The following NIN variants were observed in gnomAD, a reference collection of about 807,000 sequenced individuals.
The protein encoded by NIN is glycogen synthase kinase 3 beta-interacting protein.
Under a neutral mutation model 257.6 loss-of-function variants are expected in NIN, and 137 were observed. That is an observed-to-expected ratio of 0.53 (90% CI 0.46 to 0.61). NIN has a LOEUF of 0.61. NIN is among the 20% of genes least tolerant of loss of function. NIN has a pLI of 0.00. For synonymous variants in NIN, 918 were observed against 919.8 expected, an observed-to-expected ratio of 1.00 and a Z score of 0.04; for missense variants, 2,439 against 2,501.2, an observed-to-expected ratio of 0.98 and a Z score of 0.53.
rs868720022 is a variant in NIN at position 50,737,650 on chromosome 14, T to G, written c.5775+490A>C. 1.7e-4 allele frequency among the ~76,000 whole-genome samples: 25 copies of G among 146,056 alleles called. No individual in the cohort carries two copies. In the South Asian group the frequency reaches 2.7e-3, roughly 16 times the overall value. On this transcript the variant is annotated intron_variant, in intron 27 of 30. Transcript: ENST00000530997. ...AAATTGTGGTTTTTTGTTGTTGTTT[T>G]TTTTTTTTTTTTTTAAACAGAGTCT...
intron 8 of NIN, 148 bp downstream of exon 8, chr14:50,772,801 T>C: frequency 1.4e-6 from 1 of 704,626 alleles, no homozygotes; most frequent in Non-Finnish European, 2.3e-6. Flanking sequence ...CAACCTTTCC[T>C]TCCTAATGGT....
chr14:50,725,513 T>G (rs2040374431), intron 30 of NIN, among the ~76,000 whole-genome samples: 2 of 152,088 alleles, frequency 1.3e-5, no homozygotes, highest in South Asian at 4.1e-4. Context: ...AAAGCTAAAG[T>G]TCCATTTATT....
In NIN at chr14:50,757,608, C is replaced by A; in HGVS notation, c.3422G>T (p.Arg1141Leu). 1.9e-6 allele frequency: 3 copies of A among 1,614,100 alleles called. No individual in the cohort carries two copies. Among genetic ancestry groups the A allele is most frequent in the Non-Finnish European group, 2.5e-6 (3 of 1,180,034 alleles). ...ATCTTCCAGGTCACTTAGGACATGC[C>A]GCCTGGTCACACCTTCTACTTGCTT... ...RTKQVEGVTR[R>L]HVLSDLEDDE... The change falls in exon 18 of 31, where the codon CGG becomes CTG. Residue 1141 changes from arginine (R) to leucine (L), a missense_variant. Physicochemically the swap from Arg to Leu is moderately radical, Grantham distance 102. This residue lies in a region of NIN where 2,043 missense variants were observed against 2,050.2 expected (regional missense o/e 1.00). Transcript: ENST00000530997.
At chr14:50,830,651 T>C (rs2045663216) in intron 1 of NIN, 134 bp from the exon 2 acceptor site, 2 of 166,312 alleles carry the variant, frequency 1.2e-5, no homozygotes, top group African/African-American at 2.4e-5. Context: ...TTTCCATATG[T>C]AAGGGGCCAG....
chr14:50,739,791 A>T (rs907997473), intron 25 of NIN, among the ~76,000 whole-genome samples: 13 of 152,260 alleles, frequency 8.5e-5, no homozygotes. Flanking sequence ...AAAGGACCCA[A>T]ATGCATTGAG....
chr14:50,771,085 A>G (rs1256509295), intron 10 of NIN, 93 bp from the exon 11 acceptor site: 1 of 1,441,674 alleles, frequency 6.9e-7, no homozygotes, highest in South Asian at 1.4e-5. Flanking sequence ...TCAATACAGA[A>G]GCAAAACCAA....
chr14:50,747,278 G>C (rs564014970), intron 22 of NIN, among the ~76,000 whole-genome samples: 1 of 152,352 alleles, frequency 6.6e-6, no homozygotes, highest in East Asian at 1.9e-4. Context: ...AGAAGGATCA[G>C]TTTCTTCAGT....
chr14:50,732,807 A>C (rs898342295), intron 28 of NIN, among the ~76,000 whole-genome samples: 2 of 151,914 alleles, frequency 1.3e-5, no homozygotes, highest in African/African-American at 4.8e-5. Flanking sequence ...AGCTCACAGC[A>C]ACCTCCATCT....
chr14:50,813,954 C>T (rs7153720), intron 3 of NIN, among the ~76,000 whole-genome samples: 57,017 of 151,992 alleles, frequency 0.38, 12,169 homozygotes, highest in Non-Finnish European at 0.5. Context: ...AAAATGCTTA[C>T]AGCATTATGC....
chr14:50,758,192 C>T lies in NIN; in HGVS notation c.2838G>A (p.Arg946=). 1 of 1,614,216 alleles carries T rather than the reference C, an allele frequency of 6.2e-7. No homozygotes were observed. The highest frequency in any genetic ancestry group is 1.1e-5 in the South Asian group (1 of 91,090). Residue 946 remains arginine, a synonymous_variant, in exon 18 of 31, where the codon AGG becomes AGA. Coordinates refer to ENST00000530997, the MANE Select transcript of NIN (RefSeq NM_020921.4). ...GGACCTCCTCACGCTCCCTCAGTTC[C>T]CTTTTGTGACTGCTCTTCAGCTCAA... ...QILELKSSHK[R]ELREREEVLC... is the part of the protein sequence containing the mutation.
chr14:50,770,411 C>A lies in NIN; in HGVS notation c.1411G>T (p.Asp471Tyr). 6.2e-7 allele frequency: 1 copy of A among 1,614,202 alleles called. No individual in the cohort carries two copies. The highest frequency in any genetic ancestry group is 8.5e-7 in the Non-Finnish European group (1 of 1,180,038). The change falls in exon 12 of 31, where the codon GAC becomes TAC. Residue 471 changes from aspartate to tyrosine, a missense_variant. Asp to Tyr is a radical substitution (Grantham distance 160). Coordinates refer to ENST00000530997, the MANE Select transcript of NIN (RefSeq NM_020921.4). ...ACCTTTAAAGAGAGGGCAAGGCGGT[C>A]CCGGATATAGTTCTCTTCTGTTTTT... ...KAKTEENYIR[D>Y]RLALSLKENS...
At chr14:50,767,981 A>C (rs2042574957) in intron 12 of NIN, among the ~76,000 whole-genome samples, 1 of 151,884 alleles carries the variant, frequency 6.6e-6, no homozygotes, top group African/African-American at 2.4e-5. Context: ...ATCAACTAAA[A>C]CCCATAAAAG....
intron 3 of NIN, among the ~76,000 whole-genome samples, chr14:50,818,308 G>A (rs1265922678): frequency 3.6e-5 from 4 of 112,152 alleles, no homozygotes; most frequent in East Asian, 2.7e-4. Flanking sequence ...GGGCGACGGC[G>A]AGACTCTGTC....
chr14:50,812,112 T>C (rs1402336090), intron 3 of NIN, among the ~76,000 whole-genome samples: 1 of 152,208 alleles, frequency 6.6e-6, no homozygotes, highest in Non-Finnish European at 1.5e-5. Flanking sequence ...AGAGCGAGAC[T>C]CTGTCTCTGA....
intron 3 of NIN, among the ~76,000 whole-genome samples, chr14:50,821,086 A>G (rs1423657868): frequency 6.6e-6 from 1 of 152,242 alleles, no homozygotes; most frequent in African/African-American, 2.4e-5. Flanking sequence ...CCAAAATCCA[A>G]CAGCAAGAGA....
intron 3 of NIN, among the ~76,000 whole-genome samples, chr14:50,808,188 C>A (rs1004408563): frequency 1.3e-5 from 2 of 151,808 alleles, no homozygotes; most frequent in African/African-American, 4.9e-5. Context: ...AAAGGGTAAA[C>A]GACTGTAGAA....
chr14:50,727,803 TTAGGGGGAGTCTAAA>T lies in NIN; in HGVS notation c.6078+1705_6078+1719del, dbSNP rs2040486138. On this transcript the variant is annotated intron_variant, in intron 29 of 30. Transcript: ENST00000530997. ...TTCACCCTCATGTCAGGATGAGTTT[TTAGGGGGAGTCTAAA>T]TTCACACATCTACAATGCAAACAAT... is the stretch of plus-strand genomic sequence containing the variant. The T allele has an allele frequency of 1.7e-5, 24 of 1,398,526 alleles. No homozygotes were observed. In the South Asian group the frequency reaches 2.5e-4, roughly 15 times the overall value. 86.6% of individuals were successfully genotyped at this position (1,398,526 alleles called of 1,614,324 possible). A position where few individuals can be genotyped will look rare whatever the true frequency, so the allele number is the denominator to read the frequency against.
rs186925299 is a variant in NIN at position 50,828,011 on chromosome 14, C to T, written c.-22+2453G>A. On this transcript the variant is annotated intron_variant, in intron 2 of 30. Transcript: ENST00000530997. ...AACAAAAAACACAACAACAAAAAAACGCCATTAGCCTGGCACAATGTGCAT... is the reference window on the plus strand; with the variant it reads ...AACAAAAAACACAACAACAAAAAAATGCCATTAGCCTGGCACAATGTGCAT... 9.3e-4 allele frequency among the ~76,000 whole-genome samples: 140 copies of T among 150,618 alleles called. 1 individual carries two copies. Among genetic ancestry groups the T allele is most frequent in the Admixed American group, 1.7e-3 (26 of 15,166 alleles).
intron 21 of NIN, 135 bp from the exon 22 acceptor site, chr14:50,748,240 G>A (rs748912690): frequency 1.0e-4 from 60 of 574,064 alleles, no homozygotes; most frequent in Admixed American, 5.3e-4. Flanking sequence ...ATTTTTTATC[G>A]TAAAAGACTT....
Sources: gnomAD v4.1 joint callset for allele counts (sites outside exome capture counted in the v4.1 genomes callset) on GRCh38, gnomAD v4.1.1 for gene constraint, gnomAD v4.1.1 regional missense constraint, MANE v1.5 for transcripts, NCBI Gene and HGNC (gene_info 2026-07-23, HGNC 2026-07-21) for gene names.